RAMP1: variants seen among roughly 807,000 people sequenced by gnomAD.
RAMP1 encodes the protein receptor activity modifying protein 1.
RAMP1 carries 7 observed loss-of-function variants against 8.2 expected under a neutral mutation model. The ratio of observed to expected loss-of-function variants is 0.85; its 90% CI spans 0.49 to 1.60. The LOEUF is 1.60. Among genes scored for constraint, RAMP1 ranks in the 40% most tolerant of loss-of-function variants. The pLI is 0.00. For missense variants in RAMP1, 192 were observed against 202.4 expected (o/e 0.95, Z 0.31); for synonymous variants, 92 against 84.7 (o/e 1.09, Z -0.47).
At chr2:237,909,929 G>A (rs533263067) in intron 2 of RAMP1, among the ~76,000 whole-genome samples, 9 of 152,202 alleles carry the variant, frequency 5.9e-5, no homozygotes, top group African/African-American at 9.6e-5. Context: ...AGGGGACTCC[G>A]CGATGGCTTC....
At chr2:237,872,378 T>C (rs1008227297) in intron 1 of RAMP1, among the ~76,000 whole-genome samples, 1 of 152,144 alleles carries the variant, frequency 6.6e-6, no homozygotes, top group Non-Finnish European at 1.5e-5. Flanking sequence ...TAGTGTGGGG[T>C]GGCCAGGTGA....
At chr2:237,903,319 A>G (rs886894259) in intron 2 of RAMP1, among the ~76,000 whole-genome samples, 2 of 152,228 alleles carry the variant, frequency 1.3e-5, no homozygotes, top group Non-Finnish European at 2.9e-5. Context: ...ACCTTCTTAC[A>G]TCACTGTTAT....
intron 2 of RAMP1, among the ~76,000 whole-genome samples, chr2:237,900,716 T>G (rs2062588438): frequency 6.6e-6 from 1 of 152,224 alleles, no homozygotes; most frequent in African/African-American, 2.4e-5. Flanking sequence ...TCCTGTGACT[T>G]CGAAATTATA....
At chr2:237,861,978 C>T (rs914680719) in intron 1 of RAMP1, among the ~76,000 whole-genome samples, 17 of 152,064 alleles carry the variant, frequency 1.1e-4, no homozygotes, top group African/African-American at 3.9e-4. Flanking sequence ...AAAAGCTGTT[C>T]GTTAACCAGG....
intron 1 of RAMP1, chr2:237,859,954 A>AAGGGACGGCTTT: frequency 2.3e-6 from 1 of 442,548 alleles, no homozygotes; most frequent in East Asian, 3.9e-5. Context: ...CTCGCCGGGG[A>AAGGGACGGCTTT]AGGGACGGCT....
chr2:237,875,530 G>A (rs3820798), intron 1 of RAMP1, among the ~76,000 whole-genome samples: 29,751 of 152,022 alleles, frequency 0.2, 3,238 homozygotes, highest in African/African-American at 0.29. Flanking sequence ...ACTCTGTCTC[G>A]CTTGCTAGCA....
At chr2:237,863,053 C>T (rs1001810941) in intron 1 of RAMP1, among the ~76,000 whole-genome samples, 3 of 152,144 alleles carry the variant, frequency 2.0e-5, no homozygotes, top group Admixed American at 6.5e-5. Flanking sequence ...CTTGCAGGGA[C>T]GGCAGGCTCA....
intron 2 of RAMP1, among the ~76,000 whole-genome samples, chr2:237,903,913 T>G (rs895960410): frequency 6.6e-6 from 1 of 152,116 alleles, no homozygotes; most frequent in South Asian, 2.1e-4. Context: ...CCATTTTGTA[T>G]TTTTTTGTAG....
At chr2:237,864,470 C>T (rs1163845314) in intron 1 of RAMP1, among the ~76,000 whole-genome samples, 1 of 152,270 alleles carries the variant, frequency 6.6e-6, no homozygotes, top group South Asian at 2.1e-4. Context: ...CTGGAGGAGA[C>T]AGTTGTGAGA....
intron 1 of RAMP1, among the ~76,000 whole-genome samples, chr2:237,863,788 C>T (rs1487422324): frequency 2.0e-5 from 3 of 151,946 alleles, no homozygotes; most frequent in African/African-American, 7.3e-5. Context: ...GGTGACTCCT[C>T]CCCGTGCTCC....
intron 1 of RAMP1, among the ~76,000 whole-genome samples, chr2:237,869,011 G>A (rs142478482): frequency 0.02 from 3,117 of 152,212 alleles, 37 homozygotes; most frequent in Non-Finnish European, 0.03. Flanking sequence ...GGAGGAGTGT[G>A]GCGTTTTTAT....
At chr2:237,904,195 C>T (rs562943991) in intron 2 of RAMP1, among the ~76,000 whole-genome samples, 164 of 151,702 alleles carry the variant, frequency 1.1e-3, no homozygotes, top group African/African-American at 2.6e-3. Context: ...GGGCGGATCA[C>T]GAGGTCGGGA....
intron 2 of RAMP1, among the ~76,000 whole-genome samples, chr2:237,907,728 C>T (rs986719381): frequency 9.2e-5 from 14 of 152,182 alleles, no homozygotes; most frequent in Admixed American, 1.3e-4. Context: ...CCACTAGACC[C>T]GTTGTCATAC....
intron 2 of RAMP1, among the ~76,000 whole-genome samples, chr2:237,887,908 T>C (rs114977248): frequency 0.078 from 11,929 of 152,224 alleles, 1,534 homozygotes; most frequent in African/African-American, 0.27. Flanking sequence ...AAGTGAGACC[T>C]TGTCTGAAAT....
rs2062141841 is a variant in RAMP1 at position 237,862,466 on chromosome 2, A to G, written c.52+2739A>G. On this transcript the variant is annotated intron_variant, in intron 1 of 2. Coordinates refer to ENST00000254661, the MANE Select transcript of RAMP1 (RefSeq NM_005855.4). This position sits in a 1 kb window ranked among gnomAD's most constrained non-coding sequence, Gnocchi z 4.0. The stretch of plus-strand genomic sequence containing the variant: ...CATTTATATCCACAGTGCAAATGGT[A>G]GATTCAGCTCCGGGAAATGTTTTAG... Among the ~76,000 whole-genome samples, 1 of 152,232 alleles carries G rather than the reference A, an allele frequency of 6.6e-6. No individual in the cohort carries two copies.
chr2:237,906,112 A>G (rs1369606113), intron 2 of RAMP1, among the ~76,000 whole-genome samples: 3 of 151,818 alleles, frequency 2.0e-5, no homozygotes, highest in Middle Eastern at 3.4e-3. Flanking sequence ...AACATTTACC[A>G]TGGACCGGCC....
At position 237,877,487 on chromosome 2, in the gene RAMP1, A is replaced by G; in HGVS notation, c.191+125A>G. 1 of 1,326,080 alleles carries G rather than the reference A, an allele frequency of 7.5e-7. No homozygotes were observed. 82.1% of individuals were successfully genotyped at this position (1,326,080 alleles called of 1,614,324 possible). On this transcript the variant is annotated intron_variant, in intron 2 of 2. Transcript: ENST00000254661. This position sits in a 1 kb window ranked among gnomAD's most constrained non-coding sequence, Gnocchi z 4.4. ...TAGACCCCGGAAGGGTTCTTCCCCC[A>G]GTGGGGGGGGCCGGGATGAAGACAG...
At chr2:237,899,955 C>A (rs188284916) in intron 2 of RAMP1, among the ~76,000 whole-genome samples, 123 of 152,248 alleles carry the variant, frequency 8.1e-4, no homozygotes, top group Middle Eastern at 6.8e-3. Flanking sequence ...TGCCTGGGAT[C>A]TAGTGCCTTT....
chr2:237,889,537 T>C (rs2062468668), intron 2 of RAMP1, among the ~76,000 whole-genome samples: 3 of 152,240 alleles, frequency 2.0e-5, no homozygotes, highest in Non-Finnish European at 4.4e-5. Context: ...TACCACGCCA[T>C]TTAAATTACC....
Sources: allele counts gnomAD v4.1 joint callset (sites outside exome capture counted in the v4.1 genomes callset), GRCh38; gene constraint gnomAD v4.1.1; non-coding constraint Gnocchi (gnomAD v3.1); transcripts MANE v1.5; gene names NCBI Gene and HGNC (gene_info 2026-07-23, HGNC 2026-07-21).